The following VTI1B variants were observed in gnomAD, a reference collection of about 807,000 sequenced individuals.
The protein encoded by VTI1B is vesicle transport through interaction with t-SNAREs 1B, also known as vesicle transport through interaction with t-SNAREs homolog 1B.
VTI1B carries 18 observed loss-of-function variants against 28.6 expected under a neutral mutation model. The ratio of observed to expected loss-of-function variants is 0.63; its 90% CI spans 0.43 to 0.93. VTI1B has a LOEUF of 0.93. Among genes scored for constraint, VTI1B ranks in the 40% least tolerant of loss-of-function variants. The pLI, the probability that VTI1B is intolerant of heterozygous loss-of-function variation, is 0.00. For synonymous variants in VTI1B, 100 were observed against 107.9 expected (o/e 0.93, Z 0.46); for missense variants, 283 against 297.0 (o/e 0.95, Z 0.35).
chr14:67,667,715 C>A (rs60851053), intron 1 of VTI1B, among the ~76,000 whole-genome samples: 119 of 152,102 alleles, frequency 7.8e-4, no homozygotes, highest in Non-Finnish European at 1.2e-3. Flanking sequence ...GAGGCCGAGG[C>A]GGGCGGATCA....
intron 5 of VTI1B, chr14:67,651,857 C>G (rs1159777130): frequency 5.7e-6 from 1 of 174,002 alleles, no homozygotes; most frequent in Non-Finnish European, 1.2e-5. Context: ...CTGGGTAATA[C>G]CTTTCAATCC....
At chr14:67,670,934 A>G (rs1048532251) in intron 1 of VTI1B, among the ~76,000 whole-genome samples, 2 of 152,234 alleles carry the variant, frequency 1.3e-5, no homozygotes, top group Non-Finnish European at 2.9e-5. Flanking sequence ...TCAATTACAG[A>G]GCATAAGCTA....
chr14:67,669,988 G>A (rs545399002), intron 1 of VTI1B, among the ~76,000 whole-genome samples: 7 of 152,214 alleles, frequency 4.6e-5, no homozygotes, highest in Non-Finnish European at 8.8e-5. Flanking sequence ...CCAGCTACTC[G>A]GGAGGCTGAG....
chr14:67,655,028 CAAAAAAA>C (rs34482334), intron 4 of VTI1B, among the ~76,000 whole-genome samples: 1 of 43,502 alleles, frequency 2.3e-5, no homozygotes, highest in Non-Finnish European at 3.8e-5. Flanking sequence ...GACTCCATCT[CAAAAAAA>C]AAAAAAAAAA....
At chr14:67,666,507 C>T (rs2037403585) in intron 1 of VTI1B, among the ~76,000 whole-genome samples, 1 of 152,172 alleles carries the variant, frequency 6.6e-6, no homozygotes, top group Non-Finnish European at 1.5e-5. Flanking sequence ...TAAAACAAAA[C>T]AAAACAGAAA....
chr14:67,674,495 AGGCCGCG>A lies in VTI1B; in HGVS notation c.-13_-7del. ...GAGGCGGCGGAGGAGGCCATGGCGC[AGGCCGCG>A]CTGGAGCAGCGGCCACCGAGATTCG... is the stretch of plus-strand genomic sequence containing the variant. On this transcript the variant is annotated 5_prime_UTR_variant, in exon 1 of 6. Transcript: ENST00000554659. 6.3e-7 allele frequency: 1 copy of A among 1,596,436 alleles called. No homozygotes were observed. The highest frequency in any genetic ancestry group is 1.7e-5 in the Admixed American group (1 of 57,482).
chr14:67,657,615 C>CCT (rs2037277042), intron 3 of VTI1B, among the ~76,000 whole-genome samples: 1 of 151,110 alleles, frequency 6.6e-6, no homozygotes, highest in African/African-American at 2.5e-5. Context: ...CACACACACA[C>CCT]ACACACACCC....
intron 2 of VTI1B, among the ~76,000 whole-genome samples, chr14:67,660,633 G>C (rs1467604900): frequency 6.6e-6 from 1 of 152,182 alleles, no homozygotes; most frequent in African/African-American, 2.4e-5. Flanking sequence ...ATGTCAGAGA[G>C]AACAGGGGCC....
At chr14:67,657,407 A>G (rs1340043237) in intron 3 of VTI1B, among the ~76,000 whole-genome samples, 4 of 152,138 alleles carry the variant, frequency 2.6e-5, no homozygotes. Context: ...GGGCTTGAGC[A>G]AGCTTCCCCA....
At chr14:67,669,998 G>A (rs1235461735) in intron 1 of VTI1B, among the ~76,000 whole-genome samples, 2 of 152,210 alleles carry the variant, frequency 1.3e-5, no homozygotes, top group African/African-American at 4.8e-5. Context: ...GGGAGGCTGA[G>A]GTGGGAGGAT....
intron 1 of VTI1B, 137 bp downstream of exon 1, chr14:67,674,238 C>T: frequency 1.3e-6 from 1 of 742,980 alleles, no homozygotes; most frequent in Non-Finnish European, 2.1e-6. Flanking sequence ...GGGGCTGGGA[C>T]AAGCCAGCCC....
intron 4 of VTI1B, 129 bp downstream of exon 4, chr14:67,656,287 A>AT: frequency 1.1e-6 from 1 of 901,252 alleles, no homozygotes; most frequent in Non-Finnish European, 1.5e-6. Flanking sequence ...TGAGAAAAGC[A>AT]TAAGAACTTA....
intron 2 of VTI1B, among the ~76,000 whole-genome samples, chr14:67,660,989 T>TG (rs2037326759): frequency 6.6e-6 from 1 of 152,156 alleles, no homozygotes; most frequent in African/African-American, 2.4e-5. Context: ...TGGCCTGGTC[T>TG]TTCTTAAAAC....
rs1325836316 is a variant in VTI1B at position 67,651,360 on chromosome 14, T to C, written c.*25A>G. On this transcript the variant is annotated 3_prime_UTR_variant, in exon 6 of 6. Coordinates refer to ENST00000554659, the MANE Select transcript of VTI1B (RefSeq NM_006370.3). ...TGCATTCACAAGGTCAAAGTTCTGGTCCACAAACCCTTCCCTATAGAAGTT... is the reference window on the plus strand; with the variant it reads ...TGCATTCACAAGGTCAAAGTTCTGGCCCACAAACCCTTCCCTATAGAAGTT... 1.2e-6 allele frequency: 2 copies of C among 1,613,098 alleles called. No individual in the cohort carries two copies. Among genetic ancestry groups the C allele is most frequent in the Non-Finnish European group, 1.7e-6 (2 of 1,179,396 alleles).
chr14:67,673,134 G>A (rs1368482166), intron 1 of VTI1B, among the ~76,000 whole-genome samples: 1 of 152,192 alleles, frequency 6.6e-6, no homozygotes, highest in Non-Finnish European at 1.5e-5. Flanking sequence ...CTTGAGGTCA[G>A]GAGTTAGAGA....
chr14:67,674,259 G>T, intron 1 of VTI1B, 116 bp downstream of exon 1: 1 of 971,982 alleles, frequency 1.0e-6, no homozygotes, highest in Non-Finnish European at 1.5e-6. Flanking sequence ...TAGGGGGCGT[G>T]TCTGAGGACG....
intron 2 of VTI1B, among the ~76,000 whole-genome samples, chr14:67,661,278 C>CAAAAAAA (rs1208811725): frequency 5.3e-5 from 3 of 56,444 alleles, no homozygotes; most frequent in East Asian, 6.6e-4. Flanking sequence ...AGGGCTAGAG[C>CAAAAAAA]AAAAAAAAAA....
chr14:67,655,340 A>T (rs1438264212), intron 4 of VTI1B, among the ~76,000 whole-genome samples: 1 of 152,100 alleles, frequency 6.6e-6, no homozygotes, highest in Admixed American at 6.5e-5. Context: ...AAAACTAAAA[A>T]ATTCCTATGT....
rs1594832396 is a variant in VTI1B at position 67,651,266 on chromosome 14, A to G, written c.*119T>C. On this transcript the variant is annotated 3_prime_UTR_variant, in exon 6 of 6. Coordinates refer to ENST00000554659, the MANE Select transcript of VTI1B (RefSeq NM_006370.3). Reference sequence around the variant, plus strand: ...TCCTCCCTCCTCCCACAGCCTGGCTATACAGTGCATCCTTGAACTGTCAGC... The same window carrying G: ...TCCTCCCTCCTCCCACAGCCTGGCTGTACAGTGCATCCTTGAACTGTCAGC... The G allele has an allele frequency of 1.9e-6, 3 of 1,575,456 alleles. No individual in the cohort carries two copies. Among genetic ancestry groups the G allele is most frequent in the East Asian group, 2.3e-5 (1 of 44,224 alleles).
Sources: allele counts gnomAD v4.1 joint callset (sites outside exome capture counted in the v4.1 genomes callset), GRCh38; gene constraint gnomAD v4.1.1; transcripts MANE v1.5; gene names NCBI Gene and HGNC (gene_info 2026-07-23, HGNC 2026-07-21).